The following MYO1D variants were observed in gnomAD, a reference collection of about 807,000 sequenced individuals.
The protein encoded by MYO1D is myosin ID.
A neutral mutation model predicts 122.0 loss-of-function variants in MYO1D; 83 were observed. The observed-to-expected ratio is 0.68, with a 90% confidence interval of 0.57 to 0.82. The LOEUF (loss-of-function observed/expected upper bound fraction) is 0.82. Ranked by LOEUF, MYO1D falls within the 40% of genes least tolerant of loss-of-function variation. The pLI, the probability that MYO1D is intolerant of heterozygous loss-of-function variation, is 0.00. For synonymous variants in MYO1D, 464 were observed against 446.9 expected (o/e 1.04, Z -0.48); for missense variants, 1,157 against 1,269.5 (o/e 0.91, Z 1.35).
intron 1 of MYO1D, among the ~76,000 whole-genome samples, chr17:32,819,649 A>T (rs373258631): frequency 2.6e-5 from 4 of 152,072 alleles, no homozygotes; most frequent in Admixed American, 6.6e-5. Context: ...ATCTCATGAC[A>T]CTCTACCTTT....
chr17:32,637,584 T>C lies in MYO1D; in HGVS notation c.2709+1138A>G, dbSNP rs150195539. 5.3e-3 allele frequency among the ~76,000 whole-genome samples: 800 copies of C among 152,212 alleles called. 7 individuals carry two copies. Among genetic ancestry groups the C allele is most frequent in the African/African-American group, 0.017 (721 of 41,512 alleles). Reference sequence around the variant, plus strand: ...TACTCAGGAGGCAGAGGCACAAGAATCACCTGAACCTAGGAGGTGGAGGTT... The same window carrying C: ...TACTCAGGAGGCAGAGGCACAAGAACCACCTGAACCTAGGAGGTGGAGGTT... On this transcript the variant is annotated intron_variant, in intron 20 of 21. Transcript: ENST00000318217.
At position 32,799,053 on chromosome 17, in the gene MYO1D, A is replaced by G. The variant is rs186328266; in HGVS notation, c.96-18269T>C. Among the ~76,000 whole-genome samples, 367 of 152,324 alleles carry G rather than the reference A, an allele frequency of 2.4e-3. 2 individuals are homozygous for G. The highest frequency in any genetic ancestry group is 2.1e-3 in the Non-Finnish European group (146 of 68,016). On this transcript the variant is annotated intron_variant, in intron 1 of 21. Transcript: ENST00000318217. ...TGCTAAAGACAAACATGATTTGGAT[A>G]ATCTACTACTTTGCTTTAGCCAGCC...
chr17:32,856,195 G>A (rs148441477), intron 1 of MYO1D, among the ~76,000 whole-genome samples: 1,681 of 152,190 alleles, frequency 0.011, 14 homozygotes, highest in Admixed American at 0.016. Flanking sequence ...ATGAGGGAGA[G>A]ATATGGACAA....
At chr17:32,859,249 T>C (rs2091050636) in intron 1 of MYO1D, among the ~76,000 whole-genome samples, 1 of 152,244 alleles carries the variant, frequency 6.6e-6, no homozygotes, top group Non-Finnish European at 1.5e-5. Flanking sequence ...ACTTTTCCCC[T>C]TTCCATATTT....
chr17:32,728,987 T>C (rs748534856), intron 14 of MYO1D, among the ~76,000 whole-genome samples: 12 of 152,240 alleles, frequency 7.9e-5, no homozygotes, highest in Non-Finnish European at 1.5e-4. Context: ...TTTCTCTATA[T>C]TTAATCAGCA....
At chr17:32,862,117 C>G (rs1263842159) in intron 1 of MYO1D, among the ~76,000 whole-genome samples, 3 of 152,192 alleles carry the variant, frequency 2.0e-5, no homozygotes, top group Non-Finnish European at 2.9e-5. Flanking sequence ...GGCACATATT[C>G]CGCATCCTTC....
chr17:32,646,243 A>G (rs1274869239), intron 19 of MYO1D, among the ~76,000 whole-genome samples: 2 of 152,214 alleles, frequency 1.3e-5, no homozygotes, highest in East Asian at 1.9e-4. Flanking sequence ...CAAATATTCA[A>G]TAGAACACTG....
intron 19 of MYO1D, among the ~76,000 whole-genome samples, chr17:32,650,264 C>T (rs1597971566): frequency 6.6e-6 from 1 of 152,310 alleles, no homozygotes; most frequent in East Asian, 1.9e-4. Context: ...TGTCTCCTTA[C>T]TTGCATTGCT....
At chr17:32,763,874 T>G (rs574446284) in intron 8 of MYO1D, among the ~76,000 whole-genome samples, 16 of 152,256 alleles carry the variant, frequency 1.1e-4, no homozygotes, top group Middle Eastern at 6.8e-3. Flanking sequence ...GAGCCAAGAT[T>G]GTGCCACTGC....
intron 19 of MYO1D, among the ~76,000 whole-genome samples, chr17:32,652,099 C>T (rs925338591): frequency 6.6e-6 from 1 of 152,134 alleles, no homozygotes; most frequent in Non-Finnish European, 1.5e-5. Context: ...CTGTACATCT[C>T]TCTCTCTCTG....
intron 1 of MYO1D, among the ~76,000 whole-genome samples, chr17:32,860,380 C>T (rs949209119): frequency 1.3e-5 from 2 of 152,222 alleles, no homozygotes; most frequent in African/African-American, 2.4e-5. Flanking sequence ...CAACCACACA[C>T]CCCTCCAGGA....
intron 1 of MYO1D, among the ~76,000 whole-genome samples, chr17:32,853,009 T>C (rs2091002009): frequency 6.6e-6 from 1 of 152,212 alleles, no homozygotes; most frequent in South Asian, 2.1e-4. Context: ...ATCTGGCTAC[T>C]AGACAATTCC....
chr17:32,656,052 T>C (rs1407286368), intron 17 of MYO1D, among the ~76,000 whole-genome samples: 3 of 152,274 alleles, frequency 2.0e-5, no homozygotes, highest in African/African-American at 7.2e-5. Context: ...TGTTCCTGAT[T>C]GGGAAAAAAC....
intron 21 of MYO1D, among the ~76,000 whole-genome samples, chr17:32,542,013 C>T (rs1477054560): frequency 6.6e-6 from 1 of 152,124 alleles, no homozygotes; most frequent in Non-Finnish European, 1.5e-5. Context: ...CAGGAAGCTC[C>T]CCCAAGGGCT....
At chr17:32,722,565 G>A (rs1257359800) in intron 14 of MYO1D, among the ~76,000 whole-genome samples, 1 of 152,126 alleles carries the variant, frequency 6.6e-6, no homozygotes, top group Non-Finnish European at 1.5e-5. Context: ...TCCCACTGAA[G>A]GACTCGTGAT....
intron 19 of MYO1D, among the ~76,000 whole-genome samples, chr17:32,644,248 C>A (rs1341852581): frequency 1.3e-5 from 2 of 152,230 alleles, no homozygotes; most frequent in East Asian, 3.9e-4. Flanking sequence ...CTTAATCCTG[C>A]ATTCTAGTTT....
At chr17:32,700,815 G>A (rs935309729) in intron 16 of MYO1D, among the ~76,000 whole-genome samples, 1 of 151,702 alleles carries the variant, frequency 6.6e-6, no homozygotes, top group Non-Finnish European at 1.5e-5. Context: ...ATGGTGGTGT[G>A]CGCCTGTAAT....
chr17:32,825,332 T>A (rs966350194), intron 1 of MYO1D, among the ~76,000 whole-genome samples: 1 of 152,178 alleles, frequency 6.6e-6, no homozygotes, highest in Non-Finnish European at 1.5e-5. Flanking sequence ...TGCTCCAATG[T>A]CTAGGCTGGA....
intron 6 of MYO1D, among the ~76,000 whole-genome samples, chr17:32,769,604 GAA>G (rs2090093944): frequency 6.6e-6 from 1 of 151,898 alleles, no homozygotes; most frequent in South Asian, 2.1e-4. Context: ...TGTTTGCATG[GAA>G]AGATTATAAT....
Sources: gnomAD v4.1 joint callset for allele counts (sites outside exome capture counted in the v4.1 genomes callset) on GRCh38, gnomAD v4.1.1 for gene constraint, MANE v1.5 for transcripts, NCBI Gene and HGNC (gene_info 2026-07-23, HGNC 2026-07-21) for gene names.